RNLS: variants seen among roughly 807,000 people sequenced by gnomAD.
RNLS encodes the protein renalase, FAD dependent amine oxidase.
A neutral mutation model predicts 39.8 loss-of-function variants in RNLS; 39 were observed. The observed-to-expected ratio is 0.98, with a 90% confidence interval of 0.76 to 1.28. RNLS has a LOEUF of 1.28. Ranked by LOEUF, RNLS falls within the 50% of genes most tolerant of loss-of-function variation. The pLI is 0.00. For missense variants in RNLS, 410 were observed against 413.3 expected, an observed-to-expected ratio of 0.99 and a Z score of 0.07; for synonymous variants, 147 against 150.7, an observed-to-expected ratio of 0.98 and a Z score of 0.18.
intron 4 of RNLS, among the ~76,000 whole-genome samples, chr10:88,443,790 G>T (rs1485496040): frequency 6.6e-6 from 1 of 152,250 alleles, no homozygotes; most frequent in African/African-American, 2.4e-5. Context: ...GCCCGCCATT[G>T]CTGAGGCTTG....
intron 4 of RNLS, among the ~76,000 whole-genome samples, chr10:88,443,664 T>G (rs1663152778): frequency 6.6e-6 from 1 of 152,258 alleles, no homozygotes; most frequent in South Asian, 2.1e-4. Flanking sequence ...ACCAGGAGAT[T>G]ATATCCCGTG....
chr10:88,219,934 G>T, the RNLS span, among the ~76,000 whole-genome samples: 22 of 152,254 alleles, frequency 1.4e-4, 1 homozygote, highest in South Asian at 4.6e-3. Flanking sequence ...AATCTCCTCT[G>T]GGGAATGGGA....
rs765347248 is a variant in RNLS at position 88,582,209 on chromosome 10, GT to G, written c.216del (p.Lys72AsnfsTer10). Reference protein sequence around the residue: ...YITCTPHYAKKHQRFYDELLA... With the variant: ...YITCTPHYAKXHQRFYDELLA... ...TCCTTGCAACTAACTCACCGTTGGT[GT>G]TTTTTGGCATAATGAGGAGTGCAGG... On this transcript the variant is annotated frameshift_variant, in exon 2 of 7. Transcript: ENST00000331772. LOFTEE classifies it high-confidence loss of function. 111 of 1,612,850 alleles carry G rather than the reference GT, an allele frequency of 6.9e-5. No homozygotes were observed. The Middle Eastern group carries it at 9.9e-4, about 14-fold the overall frequency.
intron 5 of RNLS, among the ~76,000 whole-genome samples, chr10:88,344,587 G>A (rs1251235902): frequency 6.6e-6 from 1 of 151,956 alleles, no homozygotes; most frequent in Non-Finnish European, 1.5e-5. Flanking sequence ...CTACTATTAT[G>A]AATACAGTAA....
chr10:88,469,917 C>CAT (rs1314002223), intron 4 of RNLS, among the ~76,000 whole-genome samples: 1 of 130,648 alleles, frequency 7.7e-6, no homozygotes, highest in Non-Finnish European at 1.8e-5. Flanking sequence ...TACATACATA[C>CAT]ATATATATAC....
At chr10:88,273,494 A>G (rs1842707733), downstream of RNLS, among the ~76,000 whole-genome samples, 2 of 152,242 alleles carry the variant, frequency 1.3e-5, no homozygotes, top group African/African-American at 4.8e-5. Context: ...TATCCCAGAT[A>G]GAAAAATTTG....
chr10:88,408,530 C>CT (rs1853436441), intron 4 of RNLS, among the ~76,000 whole-genome samples: 2 of 152,066 alleles, frequency 1.3e-5, no homozygotes, highest in African/African-American at 4.8e-5. Flanking sequence ...CCTCAGCCTC[C>CT]TGAAGTACTG....
intron 4 of RNLS, among the ~76,000 whole-genome samples, chr10:88,391,641 A>T (rs1648511): frequency 0.45 from 67,524 of 151,578 alleles, 15,082 homozygotes; most frequent in Non-Finnish European, 0.47. Flanking sequence ...AATATTTGTT[A>T]TTAAAAGAGG....
chr10:88,423,899 C>T (rs946675652), intron 4 of RNLS, among the ~76,000 whole-genome samples: 1 of 152,188 alleles, frequency 6.6e-6, no homozygotes, highest in Non-Finnish European at 1.5e-5. Context: ...CAGCTTGGTG[C>T]AGTGTTGAAG....
intron 6 of RNLS, among the ~76,000 whole-genome samples, chr10:88,294,853 T>C (rs940572072): frequency 6.6e-6 from 1 of 152,312 alleles, no homozygotes; most frequent in African/African-American, 2.4e-5. Flanking sequence ...AAATGTTCTC[T>C]AAGGGTGGTG....
At chr10:88,356,487 C>T (rs1849200886) in intron 5 of RNLS, among the ~76,000 whole-genome samples, 2 of 152,180 alleles carry the variant, frequency 1.3e-5, no homozygotes, top group Non-Finnish European at 2.9e-5. Context: ...CAGGCCCATC[C>T]CAGTTATTTA....
At chr10:88,370,190 T>C (rs1850440300) in intron 4 of RNLS, among the ~76,000 whole-genome samples, 1 of 152,130 alleles carries the variant, frequency 6.6e-6, no homozygotes, top group Non-Finnish European at 1.5e-5. Context: ...GGTAAGAATA[T>C]TTTGCAATTT....
chr10:88,227,383 C>G, the RNLS span, among the ~76,000 whole-genome samples: 1 of 152,202 alleles, frequency 6.6e-6, no homozygotes, highest in South Asian at 2.1e-4. Context: ...GACATAATAA[C>G]TAAATTTACT....
chr10:88,514,124 A>G (rs1846287474), intron 4 of RNLS, among the ~76,000 whole-genome samples: 1 of 151,698 alleles, frequency 6.6e-6, no homozygotes, highest in South Asian at 2.1e-4. Flanking sequence ...TAATTTATAA[A>G]AAAAAAAAAA....
rs187359458 is a variant in RNLS at position 88,302,325 on chromosome 10, A to C, written c.876+12141T>G. Among the ~76,000 whole-genome samples, 25 of 152,360 alleles carry C rather than the reference A, an allele frequency of 1.6e-4. No individual in the cohort carries two copies. The East Asian group carries it at 4.2e-3, about 26-fold the overall frequency. ...GATTTTATTATGGAAAAGAACTACG[A>C]AACAAAACACCTAATGTACTCTAAC... is the stretch of plus-strand genomic sequence containing the variant. On this transcript the variant is annotated intron_variant, in intron 6 of 6. Coordinates refer to ENST00000331772, the MANE Select transcript of RNLS (RefSeq NM_001031709.3).
chr10:88,537,282 GT>G (rs1847809170), intron 4 of RNLS, among the ~76,000 whole-genome samples: 1 of 152,176 alleles, frequency 6.6e-6, no homozygotes, highest in African/African-American at 2.4e-5. Flanking sequence ...CTGATCAGAA[GT>G]TATTGAGTTA....
intron 5 of RNLS, among the ~76,000 whole-genome samples, chr10:88,326,000 C>A (rs902336399): frequency 6.6e-6 from 1 of 152,192 alleles, no homozygotes. Context: ...TCCTCTTTGC[C>A]TTCCGCCATG....
At chr10:88,281,126 T>G (rs1488371991), downstream of RNLS, among the ~76,000 whole-genome samples, 2 of 152,212 alleles carry the variant, frequency 1.3e-5, no homozygotes, top group African/African-American at 4.8e-5. Flanking sequence ...TACAGCAGTT[T>G]GGTCCTGCAC....
intron 3 of RNLS, among the ~76,000 whole-genome samples, chr10:88,573,662 T>G (rs1426385754): frequency 6.6e-6 from 1 of 152,038 alleles, no homozygotes; most frequent in Non-Finnish European, 1.5e-5. Context: ...TACTCTAGAG[T>G]ACCCTCCCAT....
Sources: gnomAD v4.1 joint callset for allele counts (sites outside exome capture counted in the v4.1 genomes callset) on GRCh38, gnomAD v4.1.1 for gene constraint, MANE v1.5 for transcripts, NCBI Gene and HGNC (gene_info 2026-07-23, HGNC 2026-07-21) for gene names.